The following EEPD1 variants were observed in gnomAD, a reference collection of about 807,000 sequenced individuals.
The protein encoded by EEPD1 is endonuclease/exonuclease/phosphatase family domain-containing protein 1.
In EEPD1, 17 loss-of-function variants were observed where a neutral mutation model predicts 46.3. The ratio of observed to expected loss-of-function variants is 0.37; its 90% confidence interval spans 0.25 to 0.55. The LOEUF (loss-of-function observed/expected upper bound fraction) is 0.55, where lower values mean the gene tolerates loss of function less well. EEPD1 is among the 20% of genes least tolerant of loss of function. EEPD1 has a pLI of 0.83. For missense variants in EEPD1, 673 were observed against 745.6 expected (o/e 0.90, Z 1.13); for synonymous variants, 313 against 315.6 (o/e 0.99, Z 0.09).
chr7:36,248,435 G>A lies in EEPD1; in HGVS notation c.930+9399G>A, dbSNP rs577766049. Among the ~76,000 whole-genome samples, 41 of 151,166 alleles carry A rather than the reference G, an allele frequency of 2.7e-4. 2 individuals carry two copies. The South Asian group carries it at 8.2e-3, about 30-fold the overall frequency. On this transcript the variant is annotated intron_variant, in intron 3 of 7. Transcript: ENST00000242108. ...TTTCCCAGGCTGGTCTCAAACTCCT[G>A]GCCTCAAGTAATCTGCCCACCTCGG...
At chr7:36,282,271 A>T (rs1454419924) in intron 4 of EEPD1, among the ~76,000 whole-genome samples, 2 of 152,238 alleles carry the variant, frequency 1.3e-5, no homozygotes, top group African/African-American at 4.8e-5. Context: ...TAGGTGTCTG[A>T]GCTTCACAAG....
intron 6 of EEPD1, among the ~76,000 whole-genome samples, chr7:36,291,263 C>T (rs765728178): frequency 5.3e-5 from 8 of 152,162 alleles, no homozygotes; most frequent in African/African-American, 1.7e-4. Flanking sequence ...TTTGTGGTTC[C>T]GCTTGTCTGT....
At chr7:36,155,319 C>G (rs1784809653) in intron 2 of EEPD1, 117 bp downstream of exon 2, 1 of 1,251,640 alleles carries the variant, frequency 8.0e-7, no homozygotes, top group South Asian at 2.3e-5. Context: ...AGTTTTTAAT[C>G]AATGTTCTTG....
chr7:36,234,644 C>G (rs1014158344), intron 2 of EEPD1, among the ~76,000 whole-genome samples: 2 of 151,434 alleles, frequency 1.3e-5, no homozygotes, highest in Non-Finnish European at 2.9e-5. Flanking sequence ...TGTACTCCAG[C>G]CTGGGTGACA....
intron 2 of EEPD1, among the ~76,000 whole-genome samples, chr7:36,233,017 A>G (rs1233525480): frequency 1.3e-5 from 2 of 152,182 alleles, no homozygotes; most frequent in Non-Finnish European, 1.5e-5. Flanking sequence ...ACCTGATACT[A>G]AATTGGACTT....
intron 2 of EEPD1, among the ~76,000 whole-genome samples, chr7:36,172,626 T>G (rs992187419): frequency 6.6e-6 from 1 of 150,626 alleles, no homozygotes; most frequent in African/African-American, 2.4e-5. Context: ...AGTTTTTTTT[T>G]TTTTTTTTTT....
In EEPD1 at chr7:36,202,413, C is replaced by T. The variant is rs536524275; in HGVS notation, c.879-36572C>T. On this transcript the variant is annotated intron_variant, in intron 2 of 7. Transcript: ENST00000242108. ...AGGGACTTGGGTTTCTCATCCTGTT[C>T]GCTAGCCGGGGTGAAGCATGCCTGG... Among the ~76,000 whole-genome samples, 837 of 152,106 alleles carry T rather than the reference C, an allele frequency of 5.5e-3. 8 individuals carry two copies. Among genetic ancestry groups the T allele is most frequent in the Non-Finnish European group, 5.4e-3 (369 of 67,972 alleles).
chr7:36,253,173 T>C (rs956897035), intron 3 of EEPD1, among the ~76,000 whole-genome samples: 1 of 152,172 alleles, frequency 6.6e-6, no homozygotes, highest in Non-Finnish European at 1.5e-5. Context: ...CAGAGCATTT[T>C]TAGTTTTCCC....
At chr7:36,201,344 TA>T in intron 2 of EEPD1, among the ~76,000 whole-genome samples, 1 of 152,336 alleles carries the variant, frequency 6.6e-6, no homozygotes, top group South Asian at 2.1e-4. Flanking sequence ...CTGATTTTGA[TA>T]ATGTACTATG....
At chr7:36,256,800 T>G (rs538611032) in intron 3 of EEPD1, among the ~76,000 whole-genome samples, 5 of 152,260 alleles carry the variant, frequency 3.3e-5, no homozygotes, top group African/African-American at 7.2e-5. Context: ...TGTCTTTTAA[T>G]TGGGACATTT....
At chr7:36,253,204 C>T (rs1357053002) in intron 3 of EEPD1, among the ~76,000 whole-genome samples, 1 of 152,010 alleles carries the variant, frequency 6.6e-6, no homozygotes, top group Non-Finnish European at 1.5e-5. Flanking sequence ...TCCCTTGACC[C>T]GTTGGTTATT....
At position 36,215,194 on chromosome 7, in the gene EEPD1, G is replaced by A. The variant is rs181016567; in HGVS notation, c.879-23791G>A. 4.3e-3 allele frequency among the ~76,000 whole-genome samples: 657 copies of A among 152,148 alleles called. 5 individuals carry two copies. Among genetic ancestry groups the A allele is most frequent in the African/African-American group, 0.015 (606 of 41,420 alleles). The stretch of plus-strand genomic sequence containing the variant: ...GCTTAACGATAACCAGACACGAGCC[G>A]AGCCCACCCGCTGCTGCCCTCCCTG... On this transcript the variant is annotated intron_variant, in intron 2 of 7. Transcript: ENST00000242108.
intron 2 of EEPD1, among the ~76,000 whole-genome samples, chr7:36,200,968 A>T (rs564051603): frequency 2.0e-5 from 3 of 152,344 alleles, no homozygotes; most frequent in African/African-American, 7.2e-5. Flanking sequence ...AGATGACCTG[A>T]GTTAACATCA....
At chr7:36,286,120 G>A (rs1313936670) in intron 5 of EEPD1, among the ~76,000 whole-genome samples, 2 of 152,178 alleles carry the variant, frequency 1.3e-5, no homozygotes, top group Non-Finnish European at 2.9e-5. Context: ...GGGTGATACT[G>A]ATAATCCAGT....
Position 36,299,534 on chromosome 7 carries a change from G to A in EEPD1, c.*328G>A. ...CAGCACAAAGACAATATGAGCAGAGGGAGGAGAAGAAGGGGTGCTCAGGCT... is the reference window on the plus strand; with the variant it reads ...CAGCACAAAGACAATATGAGCAGAGAGAGGAGAAGAAGGGGTGCTCAGGCT... On this transcript the variant is annotated 3_prime_UTR_variant, in exon 8 of 8. Transcript: ENST00000242108. The A allele has an allele frequency of 2.9e-6, 1 of 345,932 alleles. No homozygotes were observed. Among genetic ancestry groups the A allele is most frequent in the Non-Finnish European group, 5.4e-6 (1 of 185,430 alleles). 21.4% of individuals were successfully genotyped at this position (345,932 alleles called of 1,614,324 possible).
intron 6 of EEPD1, among the ~76,000 whole-genome samples, chr7:36,289,306 C>T (rs943152073): frequency 6.6e-6 from 1 of 152,196 alleles, no homozygotes. Flanking sequence ...AACTGAAGCT[C>T]GGTACCCATT....
intron 3 of EEPD1, among the ~76,000 whole-genome samples, chr7:36,265,151 C>A (rs1053966773): frequency 5.3e-5 from 8 of 152,206 alleles, no homozygotes; most frequent in African/African-American, 1.9e-4. Flanking sequence ...AGAAAAATGG[C>A]AACCAGAGCG....
intron 3 of EEPD1, among the ~76,000 whole-genome samples, chr7:36,271,918 G>T (rs373723862): frequency 6.7e-6 from 1 of 149,910 alleles, no homozygotes; most frequent in African/African-American, 2.5e-5. Context: ...GTCTCACTCT[G>T]TCACCCAGGC....
intron 3 of EEPD1, among the ~76,000 whole-genome samples, chr7:36,263,066 G>A (rs941145358): frequency 6.6e-6 from 1 of 152,148 alleles, no homozygotes; most frequent in Non-Finnish European, 1.5e-5. Context: ...AGCTGTTCAT[G>A]GTGGTGCATG....
Sources: allele counts gnomAD v4.1 joint callset (sites outside exome capture counted in the v4.1 genomes callset), GRCh38; gene constraint gnomAD v4.1.1; transcripts MANE v1.5; gene names NCBI Gene and HGNC (gene_info 2026-07-23, HGNC 2026-07-21).